Variants in CYP39A1 observed in about 807,000 individuals in gnomAD.
CYP39A1 encodes 24-hydroxycholesterol 7-alpha-hydroxylase.
A neutral mutation model predicts 58.1 loss-of-function variants in CYP39A1; 49 were observed. That is an observed-to-expected ratio of 0.84 (90% confidence interval 0.67 to 1.07). The LOEUF (loss-of-function observed/expected upper bound fraction) is 1.07, where lower values mean the gene tolerates loss of function less well. CYP39A1 is among the 50% of genes least tolerant of loss of function. CYP39A1 has a pLI of 0.00. For synonymous variants in CYP39A1, 209 were observed against 187.6 expected, an observed-to-expected ratio of 1.11 and a Z score of -0.93; for missense variants, 531 against 539.4, an observed-to-expected ratio of 0.98 and a Z score of 0.16.
intron 7 of CYP39A1, among the ~76,000 whole-genome samples, chr6:46,601,456 G>A (rs964777811): frequency 1.3e-5 from 2 of 152,044 alleles, no homozygotes; most frequent in African/African-American, 4.8e-5. Context: ...AAATAAAGCC[G>A]TATCTATCCC....
chr6:46,587,250 T>C (rs1007892801), intron 9 of CYP39A1, 85 bp from the exon 10 acceptor site: 10 of 873,756 alleles, frequency 1.1e-5, no homozygotes, highest in Non-Finnish European at 1.9e-5. Context: ...AATGACCTTG[T>C]ACAGCTAATC....
chr6:46,634,318 C>T (rs1357300549), intron 5 of CYP39A1, among the ~76,000 whole-genome samples: 1 of 152,136 alleles, frequency 6.6e-6, no homozygotes, highest in Non-Finnish European at 1.5e-5. Flanking sequence ...TGAGGCCTCC[C>T]CAGCCATGTG....
chr6:46,639,474 A>G lies in CYP39A1; in HGVS notation c.488+20T>C. The G allele has an allele frequency of 6.2e-7, 1 of 1,609,946 alleles. No individual in the cohort carries two copies. On this transcript the variant is annotated intron_variant, in intron 3 of 11. Coordinates refer to ENST00000275016, the MANE Select transcript of CYP39A1 (RefSeq NM_016593.5). ...TTAAAACAAAAAGCAAGACTAAATCATACTAATGCGTCTATTTACCTTACT... is the reference window on the plus strand; with the variant it reads ...TTAAAACAAAAAGCAAGACTAAATCGTACTAATGCGTCTATTTACCTTACT...
At chr6:46,627,383 T>A (rs1775379164) in intron 6 of CYP39A1, among the ~76,000 whole-genome samples, 1 of 151,866 alleles carries the variant, frequency 6.6e-6, no homozygotes, top group Non-Finnish European at 1.5e-5. Flanking sequence ...ACATAAGCAA[T>A]TTAGCTAAAC....
At chr6:46,602,530 G>A (rs1199050248) in intron 7 of CYP39A1, among the ~76,000 whole-genome samples, 1 of 151,716 alleles carries the variant, frequency 6.6e-6, no homozygotes, top group African/African-American at 2.4e-5. Context: ...CCACAGTGCT[G>A]GACTGGGCGT....
At chr6:46,550,552 A>C (rs997504068) in intron 11 of CYP39A1, 115 bp from the exon 12 acceptor site, 2 of 832,048 alleles carry the variant, frequency 2.4e-6, no homozygotes, top group African/African-American at 3.5e-5. Context: ...AGGTTTTTCA[A>C]GTTGGGAAAT....
intron 11 of CYP39A1, 121 bp from the exon 12 acceptor site, chr6:46,550,558 G>T: frequency 1.3e-6 from 1 of 744,738 alleles, no homozygotes; most frequent in Non-Finnish European, 2.1e-6. Context: ...TTCAAGTTGG[G>T]AAATGTTTGC....
chr6:46,558,126 C>T (rs927496012), intron 10 of CYP39A1, among the ~76,000 whole-genome samples: 7 of 151,728 alleles, frequency 4.6e-5, no homozygotes, highest in Non-Finnish European at 1.0e-4. Context: ...AGCCAAAGGA[C>T]TTACAATGTG....
At chr6:46,651,745 T>A (rs958793991) in intron 1 of CYP39A1, among the ~76,000 whole-genome samples, 26 of 152,294 alleles carry the variant, frequency 1.7e-4, no homozygotes, top group African/African-American at 5.3e-4. Flanking sequence ...AATTATAATA[T>A]CATACAAATT....
At position 46,550,292 on chromosome 6, in the gene CYP39A1, C is replaced by G; in HGVS notation, c.*74G>C. 8.3e-7 allele frequency: 1 copy of G among 1,203,370 alleles called. No individual in the cohort carries two copies. 74.5% of individuals were successfully genotyped at this position (1,203,370 alleles called of 1,614,324 possible). ...TGAAGCAGTGTGTTTTTGTAGAGCT[C>G]AGGTCTAGGTGCTGCCAGGTGGGGT... On this transcript the variant is annotated 3_prime_UTR_variant, in exon 12 of 12. Coordinates refer to ENST00000275016, the MANE Select transcript of CYP39A1 (RefSeq NM_016593.5).
chr6:46,608,620 AT>A (rs574219709), intron 7 of CYP39A1, among the ~76,000 whole-genome samples: 45 of 148,256 alleles, frequency 3.0e-4, no homozygotes, highest in East Asian at 1.6e-3. Context: ...TTATTTATTT[AT>A]TTTTTTTTTT....
chr6:46,649,615 C>T (rs1438156553), intron 1 of CYP39A1, among the ~76,000 whole-genome samples: 2 of 152,172 alleles, frequency 1.3e-5, no homozygotes, highest in Non-Finnish European at 2.9e-5. Context: ...TAATATGACA[C>T]ATTTTGCTTA....
At chr6:46,578,497 T>C (rs1771960745) in intron 10 of CYP39A1, among the ~76,000 whole-genome samples, 2 of 151,900 alleles carry the variant, frequency 1.3e-5, no homozygotes, top group East Asian at 3.9e-4. Context: ...ACCAAAACTT[T>C]GTTTTTTGAA....
At chr6:46,652,281 T>C in intron 1 of CYP39A1, 125 bp downstream of exon 1, 1 of 921,080 alleles carries the variant, frequency 1.1e-6, no homozygotes. Context: ...AATGACTAGA[T>C]CCTTTAGTTG....
intron 3 of CYP39A1, among the ~76,000 whole-genome samples, chr6:46,639,266 T>C (rs936715510): frequency 6.6e-6 from 1 of 152,072 alleles, no homozygotes; most frequent in African/African-American, 2.4e-5. Flanking sequence ...GCTTGTTTGC[T>C]CACCATAAAA....
intron 10 of CYP39A1, among the ~76,000 whole-genome samples, chr6:46,578,493 A>C (rs1771960377): frequency 6.6e-6 from 1 of 151,894 alleles, no homozygotes; most frequent in Non-Finnish European, 1.5e-5. Context: ...GAAAACCAAA[A>C]CTTTGTTTTT....
At chr6:46,644,012 C>G (rs1162209764) in intron 1 of CYP39A1, among the ~76,000 whole-genome samples, 3 of 152,134 alleles carry the variant, frequency 2.0e-5, no homozygotes, top group African/African-American at 7.2e-5. Flanking sequence ...TAACATCTTG[C>G]AAAACTATAG....
chr6:46,652,379 G>C (rs369272081), intron 1 of CYP39A1, 27 bp downstream of exon 1: 1 of 1,590,068 alleles, frequency 6.3e-7, no homozygotes, highest in African/African-American at 1.4e-5. Flanking sequence ...GTCTCCTCTG[G>C]AGACCCCGTC....
At chr6:46,623,233 G>T (rs1363204080) in intron 7 of CYP39A1, among the ~76,000 whole-genome samples, 6 of 152,168 alleles carry the variant, frequency 3.9e-5, no homozygotes, top group Non-Finnish European at 7.4e-5. Context: ...GGGTGTGTCT[G>T]TGAGGGTATT....
Sources: gnomAD v4.1 joint callset for allele counts (sites outside exome capture counted in the v4.1 genomes callset) on GRCh38, gnomAD v4.1.1 for gene constraint, MANE v1.5 for transcripts, NCBI Gene and HGNC (gene_info 2026-07-23, HGNC 2026-07-21) for gene names.